PLB1: variants seen among roughly 807,000 people sequenced by gnomAD.
PLB1 encodes the protein phospholipase B1.
Under a neutral mutation model 227.4 loss-of-function variants are expected in PLB1, and 242 were observed. The ratio of observed to expected loss-of-function variants is 1.06; its 90% CI spans 0.96 to 1.18. PLB1 has a LOEUF of 1.18. Among genes scored for constraint, PLB1 ranks in the 50% most tolerant of loss-of-function variants. The probability of loss-of-function intolerance (pLI) is 0.00; values close to 1 mark genes in which losing one functional copy is unlikely to be tolerated. For missense variants in PLB1, 1,858 were observed against 1,816.3 expected, an observed-to-expected ratio of 1.02 and a Z score of -0.42; for synonymous variants, 757 against 682.2, an observed-to-expected ratio of 1.11 and a Z score of -1.71.
At chr2:28,593,033 G>T (rs1289556529) in intron 32 of PLB1, among the ~76,000 whole-genome samples, 1 of 152,070 alleles carries the variant, frequency 6.6e-6, no homozygotes, top group South Asian at 2.1e-4. Flanking sequence ...CTGTGCGGGC[G>T]CTCTTTTTCC....
chr2:28,521,812 G>A (rs1669564656), intron 4 of PLB1, among the ~76,000 whole-genome samples: 1 of 151,914 alleles, frequency 6.6e-6, no homozygotes, highest in East Asian at 1.9e-4. Flanking sequence ...TTCCTTATCA[G>A]TCTCCACCCT....
intron 1 of PLB1, among the ~76,000 whole-genome samples, chr2:28,516,311 A>G (rs1375390312): frequency 6.6e-6 from 1 of 152,172 alleles, no homozygotes; most frequent in Non-Finnish European, 1.5e-5. Flanking sequence ...AGACCCCTCG[A>G]TACAGCCCCT....
chr2:28,579,781 C>G (rs956424146), intron 23 of PLB1, 74 bp downstream of exon 23: 4 of 1,289,198 alleles, frequency 3.1e-6, no homozygotes, highest in Non-Finnish European at 4.5e-6. Flanking sequence ...TTGCTCTGCC[C>G]GGGAGGAGTA....
At chr2:28,574,751 A>C (rs1678644908) in intron 21 of PLB1, among the ~76,000 whole-genome samples, 1 of 152,014 alleles carries the variant, frequency 6.6e-6, no homozygotes, top group East Asian at 1.9e-4. Flanking sequence ...CCCACTTATA[A>C]GTGAGAACAT....
intron 29 of PLB1, 118 bp downstream of exon 29, chr2:28,590,194 C>A: frequency 1.1e-6 from 1 of 873,596 alleles, no homozygotes; most frequent in Non-Finnish European, 1.9e-6. Flanking sequence ...TTTTATACTC[C>A]AGGGTTAACT....
At chr2:28,641,122 C>CG (rs1689928893) in intron 57 of PLB1, 121 bp downstream of exon 57, 1 of 902,826 alleles carries the variant, frequency 1.1e-6, no homozygotes, top group Admixed American at 2.9e-5. Context: ...CACTCACTGC[C>CG]GTCTTCTCAA....
At chr2:28,542,748 C>A (rs924529749) in intron 13 of PLB1, among the ~76,000 whole-genome samples, 1 of 152,210 alleles carries the variant, frequency 6.6e-6, no homozygotes, top group Admixed American at 6.5e-5. Context: ...TGACCGAGGT[C>A]TCCGTAGCCT....
At chr2:28,566,592 T>G (rs1411939940) in intron 19 of PLB1, 358 of 500,676 alleles carry the variant, frequency 7.2e-4, no homozygotes, top group East Asian at 8.1e-4. Context: ...AAGCTGGCGT[T>G]TTGTTTGGAT....
rs1408506780 is a variant in PLB1 at position 28,620,998 on chromosome 2, G to A, written c.3527+20G>A. On this transcript the variant is annotated intron_variant, in intron 49 of 57. Transcript: ENST00000327757. ...AGCTAGGTGAGTAGATGCCGTACAG[G>A]AGGGCGAGTGGAAGGCAAGACTGAG... 8 of 1,584,398 alleles carry A rather than the reference G, an allele frequency of 5.0e-6. No homozygotes were observed. The highest frequency in any genetic ancestry group is 6.0e-6 in the Non-Finnish European group (7 of 1,160,364).
At chr2:28,551,510 TG>T (rs1258084769) in intron 16 of PLB1, among the ~76,000 whole-genome samples, 2 of 152,252 alleles carry the variant, frequency 1.3e-5, no homozygotes, top group Non-Finnish European at 2.9e-5. Context: ...GTTGATGGCC[TG>T]GGCTTCCACC....
intron 43 of PLB1, among the ~76,000 whole-genome samples, chr2:28,607,934 G>A (rs1684912971): frequency 6.6e-6 from 1 of 152,134 alleles, no homozygotes. Context: ...CGTGTATTGA[G>A]TACTGAGTTG....
At chr2:28,600,609 C>G (rs1433117736) in intron 35 of PLB1, among the ~76,000 whole-genome samples, 200 bp from the exon 36 acceptor site, 1 of 152,198 alleles carries the variant, frequency 6.6e-6, no homozygotes, top group African/African-American at 2.4e-5. Context: ...GTAGGACAAA[C>G]ACATCATTGG....
At chr2:28,637,384 C>G (rs1006272746) in intron 56 of PLB1, among the ~76,000 whole-genome samples, 1 of 151,546 alleles carries the variant, frequency 6.6e-6, no homozygotes, top group African/African-American at 2.4e-5. Flanking sequence ...CTTAATTGGT[C>G]TGGAGTGCGA....
chr2:28,528,745 G>A (rs1670607269), intron 6 of PLB1, among the ~76,000 whole-genome samples: 1 of 152,124 alleles, frequency 6.6e-6, no homozygotes, highest in African/African-American at 2.4e-5. Flanking sequence ...AAAGCGCTTA[G>A]GACTGGGCCT....
At chr2:28,503,971 C>T (rs762577238) in intron 1 of PLB1, among the ~76,000 whole-genome samples, 37 of 152,194 alleles carry the variant, frequency 2.4e-4, no homozygotes, top group African/African-American at 4.8e-4. Flanking sequence ...AATATACCAT[C>T]GTCTATATTG....
intron 49 of PLB1, among the ~76,000 whole-genome samples, chr2:28,622,534 C>T (rs888620891): frequency 6.6e-6 from 1 of 152,134 alleles, no homozygotes; most frequent in Non-Finnish European, 1.5e-5. Flanking sequence ...AACTTTCCTT[C>T]CATCAACCAA....
At chr2:28,619,869 G>T (rs75680575) in intron 46 of PLB1, among the ~76,000 whole-genome samples, 168 of 152,268 alleles carry the variant, frequency 1.1e-3, no homozygotes, top group African/African-American at 4.0e-3. Flanking sequence ...CTCATTGAAG[G>T]GTCAGGGCTG....
At chr2:28,538,518 A>T (rs74482515) in intron 10 of PLB1, 137 bp downstream of exon 10, 15 of 715,348 alleles carry the variant, frequency 2.1e-5, no homozygotes, top group Middle Eastern at 4.0e-4. Context: ...AGAGCACCCC[A>T]TCTTCTCATC....
intron 31 of PLB1, 114 bp from the exon 32 acceptor site, chr2:28,592,547 A>G: frequency 1.9e-6 from 2 of 1,046,414 alleles, no homozygotes; most frequent in Non-Finnish European, 1.5e-6. Flanking sequence ...CCAGCCCTGC[A>G]TGGCCCCAGT....
Sources: allele counts gnomAD v4.1 joint callset (sites outside exome capture counted in the v4.1 genomes callset), GRCh38; gene constraint gnomAD v4.1.1; transcripts MANE v1.5; gene names NCBI Gene and HGNC (gene_info 2026-07-23, HGNC 2026-07-21).